TRIP12: variants seen among roughly 807,000 people sequenced by gnomAD.
TRIP12 encodes the protein thyroid hormone receptor interactor 12, also known as E3 ubiquitin-protein ligase TRIP12.
TRIP12 carries 25 observed loss-of-function variants against 244.2 expected under a neutral mutation model. The observed-to-expected ratio is 0.10, with a 90% CI of 0.07 to 0.14. The LOEUF is 0.14. Among genes scored for constraint, TRIP12 ranks in the 10% least tolerant of loss-of-function variants. TRIP12 has a pLI of 1.00. For missense variants in TRIP12, 1,677 were observed against 2,486.4 expected, an observed-to-expected ratio of 0.67 and a Z score of 6.92; for synonymous variants, 905 against 873.1, an observed-to-expected ratio of 1.04 and a Z score of -0.64.
At chr2:229,871,991 C>T (rs1210550365) in intron 2 of TRIP12, among the ~76,000 whole-genome samples, 1 of 150,360 alleles carries the variant, frequency 6.7e-6, no homozygotes, top group Admixed American at 6.7e-5. Context: ...TGGCAAAAAC[C>T]TGAAACCAAA....
chr2:229,840,335 C>T (rs180806634), intron 5 of TRIP12, among the ~76,000 whole-genome samples: 248 of 152,098 alleles, frequency 1.6e-3, no homozygotes, highest in African/African-American at 5.8e-3. Context: ...ATAAATATTG[C>T]GGAGAAATTC....
chr2:229,886,173 G>A (rs1057078466), intron 1 of TRIP12, among the ~76,000 whole-genome samples: 2 of 152,114 alleles, frequency 1.3e-5, no homozygotes, highest in Admixed American at 6.5e-5. Context: ...TGGTATATTC[G>A]TAAGTCAAAT....
intron 2 of TRIP12, among the ~76,000 whole-genome samples, chr2:229,866,493 AC>A (rs2061530824): frequency 6.6e-6 from 1 of 152,170 alleles, no homozygotes; most frequent in Non-Finnish European, 1.5e-5. Context: ...ATATTTCTAA[AC>A]TGTGTGTAGG....
Position 229,810,906 on chromosome 2 carries a change from G to A in TRIP12, c.2195C>T (p.Thr732Ile). 6.2e-7 allele frequency: 1 copy of A among 1,613,840 alleles called. No individual in the cohort carries two copies. The highest frequency in any genetic ancestry group is 8.5e-7 in the Non-Finnish European group (1 of 1,179,924). Residue 732 changes from threonine to isoleucine, a missense_variant, in exon 15 of 42, where the codon ACT becomes ATT. Transcript: ENST00000675903. The stretch of plus-strand genomic sequence containing the variant: ...TTGTTTCATAAGTTGAACAGCTAAA[G>A]TTGGACAGTTGGAACACATCAGAGA... ...MFSLMCSNCP[T>I]LAVQLMKQNI...
At chr2:229,786,465 T>G (rs530343692) in intron 33 of TRIP12, among the ~76,000 whole-genome samples, 1 of 147,322 alleles carries the variant, frequency 6.8e-6, no homozygotes, top group Non-Finnish European at 1.5e-5. Context: ...TGGCGCAATC[T>G]CAGCTCACCG....
chr2:229,902,101 A>T (rs190867544), intron 1 of TRIP12, among the ~76,000 whole-genome samples: 1 of 152,174 alleles, frequency 6.6e-6, no homozygotes, highest in Non-Finnish European at 1.5e-5. Context: ...TTGAAATTAA[A>T]GCCAGGCATG....
intron 1 of TRIP12, among the ~76,000 whole-genome samples, chr2:229,887,055 A>T (rs971014005): frequency 2.6e-5 from 4 of 152,228 alleles, no homozygotes; most frequent in African/African-American, 9.7e-5. Flanking sequence ...TGACTGAGCA[A>T]ACAAGGAAAA....
intron 33 of TRIP12, 108 bp downstream of exon 33, chr2:229,787,397 G>A: frequency 2.6e-6 from 3 of 1,169,968 alleles, no homozygotes; most frequent in Non-Finnish European, 3.5e-6. Flanking sequence ...AGCTGAATAT[G>A]ACCAAGGCCT....
intron 1 of TRIP12, among the ~76,000 whole-genome samples, chr2:229,897,485 T>C (rs1377113987): frequency 1.3e-5 from 2 of 152,074 alleles, no homozygotes; most frequent in South Asian, 2.1e-4. Flanking sequence ...TCGTCTCTAC[T>C]AAAAATACAA....
intron 1 of TRIP12, among the ~76,000 whole-genome samples, chr2:229,888,728 A>G (rs940386932): frequency 8.5e-5 from 13 of 152,262 alleles, no homozygotes; most frequent in Middle Eastern, 6.8e-3. Flanking sequence ...GCTTGAGCCC[A>G]GGATGCGGAG....
chr2:229,857,931 A>G (rs1010933242), intron 4 of TRIP12, among the ~76,000 whole-genome samples: 9 of 152,264 alleles, frequency 5.9e-5, no homozygotes, highest in African/African-American at 1.4e-4. Context: ...GTAGTGAAAC[A>G]TAAGTAGTAT....
At chr2:229,916,038 T>C (rs2075318483) in intron 1 of TRIP12, among the ~76,000 whole-genome samples, 1 of 151,938 alleles carries the variant, frequency 6.6e-6, no homozygotes, top group Non-Finnish European at 1.5e-5. Flanking sequence ...TATGTTCGAG[T>C]TAAAAGAGTT....
At chr2:229,822,477 G>T (rs540567838) in intron 8 of TRIP12, among the ~76,000 whole-genome samples, 12 of 152,300 alleles carry the variant, frequency 7.9e-5, no homozygotes, top group African/African-American at 2.9e-4. Context: ...GAGGTGAAAT[G>T]AGTCATACCA....
chr2:229,819,674 G>A (rs1449946480), intron 8 of TRIP12, among the ~76,000 whole-genome samples: 3 of 152,118 alleles, frequency 2.0e-5, no homozygotes, highest in Non-Finnish European at 4.4e-5. Context: ...TACTTTTAAA[G>A]CTCCTTCACT....
chr2:229,862,462 T>A (rs1478111562), intron 2 of TRIP12, among the ~76,000 whole-genome samples: 1 of 152,226 alleles, frequency 6.6e-6, no homozygotes, highest in Admixed American at 6.5e-5. Flanking sequence ...GTCCTCTACA[T>A]TCTTATTTTC....
intron 8 of TRIP12, among the ~76,000 whole-genome samples, chr2:229,819,956 T>A (rs1343069698): frequency 6.6e-6 from 1 of 152,196 alleles, no homozygotes; most frequent in African/African-American, 2.4e-5. Context: ...TACCTACCTT[T>A]ACCATAATTA....
At chr2:229,781,257 T>C (rs1416487431) in intron 34 of TRIP12, among the ~76,000 whole-genome samples, 1 of 152,200 alleles carries the variant, frequency 6.6e-6, no homozygotes, top group African/African-American at 2.4e-5. Flanking sequence ...TTGAGCTTCA[T>C]TTTTCTTTTT....
rs757346052 is a variant in TRIP12 at position 229,840,903 on chromosome 2, C to A, written c.1052G>T (p.Arg351Leu). 1 of 1,605,844 alleles carries A rather than the reference C, an allele frequency of 6.2e-7. No homozygotes were observed. The highest frequency in any genetic ancestry group is 1.3e-5 in the African/African-American group (1 of 74,244). The change falls in exon 5 of 42, where the codon CGC (arginine) becomes CTC (leucine). Residue 351 changes from arginine to leucine, a missense_variant. Physicochemically the swap from Arg to Leu is moderately radical, Grantham distance 102 (BLOSUM62 -2). Around this residue, in one of 11 missense-constraint regions of TRIP12, gnomAD observed 143 missense variants for 215.6 expected, o/e 0.66. Coordinates refer to ENST00000675903, the MANE Select transcript of TRIP12 (RefSeq NM_001348323.3). ...LASLRKSTKK[R>L]SESPPAELPS... is the part of the protein sequence containing the mutation. Reference sequence around the variant, plus strand: ...GAGCTCAGCAGGTGGAGACTCACTGCGTTTCTTCGTAGATTTTCTTAAACC... The same window carrying A: ...GAGCTCAGCAGGTGGAGACTCACTGAGTTTCTTCGTAGATTTTCTTAAACC...
chr2:229,874,661 C>T (rs1245444957), intron 2 of TRIP12, among the ~76,000 whole-genome samples: 1 of 151,736 alleles, frequency 6.6e-6, no homozygotes, highest in African/African-American at 2.4e-5. Context: ...ATATATTGAT[C>T]TCTGTGGAAT....
Sources: allele counts gnomAD v4.1 joint callset (sites outside exome capture counted in the v4.1 genomes callset), GRCh38; gene constraint gnomAD v4.1.1; regional missense constraint gnomAD v4.1.1; transcripts MANE v1.5; gene names NCBI Gene and HGNC (gene_info 2026-07-23, HGNC 2026-07-21).